Variants in UBE2E2 observed in about 807,000 individuals in gnomAD.
UBE2E2 encodes ubiquitin conjugating enzyme E2 E2.
A neutral mutation model predicts 24.7 loss-of-function variants in UBE2E2; 6 were observed. That is an observed-to-expected ratio of 0.24 (90% CI 0.13 to 0.48). The LOEUF is 0.48. Among genes scored for constraint, UBE2E2 ranks in the 20% least tolerant of loss-of-function variants. The pLI, the probability that UBE2E2 is intolerant of heterozygous loss-of-function variation, is 0.99. For synonymous variants in UBE2E2, 104 were observed against 83.6 expected, an observed-to-expected ratio of 1.24 and a Z score of -1.33; for missense variants, 169 against 245.0, an observed-to-expected ratio of 0.69 and a Z score of 2.07.
At chr3:23,560,211 T>TC (rs1166473761) in intron 5 of UBE2E2, among the ~76,000 whole-genome samples, 1 of 48,250 alleles carries the variant, frequency 2.1e-5, no homozygotes, top group Non-Finnish European at 4.3e-5. Flanking sequence ...ACCTCCCCCC[T>TC]CCCCCTCCCC....
intron 5 of UBE2E2, among the ~76,000 whole-genome samples, chr3:23,578,212 C>CA (rs1696391729): frequency 6.6e-6 from 1 of 151,886 alleles, no homozygotes. Context: ...TAGAGAAATG[C>CA]AAATTAAACC....
intron 3 of UBE2E2, among the ~76,000 whole-genome samples, chr3:23,468,644 A>G (rs1291798017): frequency 6.6e-6 from 1 of 152,228 alleles, no homozygotes; most frequent in Non-Finnish European, 1.5e-5. Flanking sequence ...ACATTAGGCA[A>G]GTCACCTAAC....
intron 3 of UBE2E2, among the ~76,000 whole-genome samples, chr3:23,284,536 AAAG>A (rs1207212243): frequency 1.3e-5 from 2 of 152,132 alleles, no homozygotes; most frequent in East Asian, 1.9e-4. Context: ...ATTTTTTAAA[AAAG>A]AATCTTTGAA....
chr3:23,297,824 A>C (rs973813785), intron 3 of UBE2E2, among the ~76,000 whole-genome samples: 8 of 152,146 alleles, frequency 5.3e-5, no homozygotes, highest in African/African-American at 1.9e-4. Flanking sequence ...TTCTGTGAAA[A>C]AAGTCATTGG....
intron 3 of UBE2E2, among the ~76,000 whole-genome samples, chr3:23,413,706 C>A (rs1295166844): frequency 6.6e-6 from 1 of 152,160 alleles, no homozygotes; most frequent in Non-Finnish European, 1.5e-5. Flanking sequence ...TCTTTCCTAA[C>A]GTCATCCACT....
chr3:23,322,204 G>C (rs1315121230), intron 3 of UBE2E2, among the ~76,000 whole-genome samples: 1 of 152,150 alleles, frequency 6.6e-6, no homozygotes, highest in African/African-American at 2.4e-5. Context: ...TTTTCATAGT[G>C]AACTTAATAG....
chr3:23,471,576 T>C (rs901857357), intron 3 of UBE2E2, among the ~76,000 whole-genome samples: 1 of 152,162 alleles, frequency 6.6e-6, no homozygotes, highest in African/African-American at 2.4e-5. Context: ...TGGGCGTTTT[T>C]GTAATGTTTA....
intron 3 of UBE2E2, among the ~76,000 whole-genome samples, chr3:23,311,249 G>T (rs1021866114): frequency 3.0e-4 from 45 of 152,158 alleles, no homozygotes; most frequent in Admixed American, 5.9e-4. Flanking sequence ...TCTTAATCCA[G>T]TCTATCATTG....
intron 3 of UBE2E2, among the ~76,000 whole-genome samples, chr3:23,403,773 G>A (rs1274059955): frequency 5.5e-5 from 8 of 144,714 alleles, no homozygotes; most frequent in East Asian, 2.0e-4. Flanking sequence ...GCAGTGAGCC[G>A]AGATTGCCTG....
intron 3 of UBE2E2, among the ~76,000 whole-genome samples, chr3:23,436,025 A>G (rs936205658): frequency 6.6e-6 from 1 of 152,084 alleles, no homozygotes; most frequent in African/African-American, 2.4e-5. Context: ...TAGGATCCCC[A>G]CTGCTATGAG....
intron 3 of UBE2E2, among the ~76,000 whole-genome samples, chr3:23,398,333 A>AAC (rs1697131058): frequency 2.0e-5 from 3 of 150,630 alleles, no homozygotes; most frequent in African/African-American, 7.4e-5. Flanking sequence ...ACAAAAAAAA[A>AAC]CTTGGAAAGT....
chr3:23,256,905 C>G (rs1336577679), intron 3 of UBE2E2, among the ~76,000 whole-genome samples: 1 of 152,214 alleles, frequency 6.6e-6, no homozygotes, highest in African/African-American at 2.4e-5. Context: ...AATATGCAGT[C>G]TGTTTCAGTT....
chr3:23,460,076 C>G (rs2125424325), intron 3 of UBE2E2, among the ~76,000 whole-genome samples: 1 of 152,288 alleles, frequency 6.6e-6, no homozygotes, highest in South Asian at 2.1e-4. Flanking sequence ...GTGTACATGG[C>G]AGTGCTGGGC....
chr3:23,586,959 C>T (rs1451170016), intron 5 of UBE2E2, among the ~76,000 whole-genome samples: 1 of 151,032 alleles, frequency 6.6e-6, no homozygotes, highest in African/African-American at 2.4e-5. Context: ...AAACATACCA[C>T]GATGTTAACA....
At chr3:23,360,417 A>C (rs960610378) in intron 3 of UBE2E2, among the ~76,000 whole-genome samples, 1 of 152,222 alleles carries the variant, frequency 6.6e-6, no homozygotes, top group Non-Finnish European at 1.5e-5. Context: ...ACAAAGATGA[A>C]TAAAACATGT....
intron 3 of UBE2E2, among the ~76,000 whole-genome samples, chr3:23,440,285 A>G (rs1371141895): frequency 6.6e-6 from 1 of 152,146 alleles, no homozygotes; most frequent in Non-Finnish European, 1.5e-5. Context: ...AAAGAAAAAA[A>G]GGAAAAATAA....
At chr3:23,576,261 A>T (rs1355329546) in intron 5 of UBE2E2, among the ~76,000 whole-genome samples, 1 of 152,166 alleles carries the variant, frequency 6.6e-6, no homozygotes, top group Admixed American at 6.6e-5. Context: ...TCTCATTTTA[A>T]GACAACTCAC....
intron 5 of UBE2E2, among the ~76,000 whole-genome samples, chr3:23,573,386 T>C (rs1183617519): frequency 6.6e-6 from 1 of 152,180 alleles, no homozygotes; most frequent in Non-Finnish European, 1.5e-5. Flanking sequence ...TTTAAATTTA[T>C]ATTTGGCCAG....
intron 3 of UBE2E2, among the ~76,000 whole-genome samples, chr3:23,458,228 G>A (rs1287773980): frequency 3.9e-5 from 6 of 151,936 alleles, no homozygotes; most frequent in African/African-American, 1.5e-4. Flanking sequence ...TGCGTCGCAG[G>A]GAACAGGAAG....
Sources: gnomAD v4.1 joint callset for allele counts (sites outside exome capture counted in the v4.1 genomes callset) on GRCh38, gnomAD v4.1.1 for gene constraint, MANE v1.5 for transcripts, NCBI Gene and HGNC (gene_info 2026-07-23, HGNC 2026-07-21) for gene names.